The following EYA4 variants were observed in gnomAD, a reference collection of about 807,000 sequenced individuals.
The protein encoded by EYA4 is EYA transcriptional coactivator and phosphatase 4, also known as protein phosphatase EYA4.
In EYA4, 31 loss-of-function variants were observed where a neutral mutation model predicts 87.9. The observed-to-expected ratio is 0.35, with a 90% CI of 0.27 to 0.48. The LOEUF (loss-of-function observed/expected upper bound fraction) is 0.48, where lower values mean the gene tolerates loss of function less well. Among genes scored for constraint, EYA4 ranks in the 20% least tolerant of loss-of-function variants. EYA4 has a pLI of 0.99. For synonymous variants in EYA4, 263 were observed against 270.6 expected (o/e 0.97, Z 0.28); for missense variants, 678 against 761.4 (o/e 0.89, Z 1.29).
intron 2 of EYA4, among the ~76,000 whole-genome samples, chr6:133,309,375 A>C (rs1049526924): frequency 1.9e-4 from 29 of 152,176 alleles, no homozygotes; most frequent in Non-Finnish European, 2.9e-5. Flanking sequence ...GTGATCCAGA[A>C]GTACAGTAAT....
intron 5 of EYA4, among the ~76,000 whole-genome samples, chr6:133,452,314 C>T (rs1170073043): frequency 2.0e-5 from 3 of 152,126 alleles, no homozygotes; most frequent in African/African-American, 7.2e-5. Context: ...GGTGCACACA[C>T]ACCTTAATCT....
chr6:133,529,912 A>C lies in EYA4; in HGVS notation c.*1107A>C. ...AAGTTGCATAGAGGAGGATATTATC[A>C]TGCAAATCATGAGCAATTATCACAT... On this transcript the variant is annotated 3_prime_UTR_variant, in exon 20 of 20. Coordinates refer to ENST00000355286, the MANE Select transcript of EYA4 (RefSeq NM_004100.5). 2.0e-6 allele frequency: 2 copies of C among 985,338 alleles called. No homozygotes were observed. The highest frequency in any genetic ancestry group is 9.4e-5 in the South Asian group (2 of 21,288). The allele number at this position is 985,338 out of a possible 1,614,324, so 61.0% of individuals were successfully genotyped here.
intron 3 of EYA4, among the ~76,000 whole-genome samples, chr6:133,415,162 C>T (rs943856839): frequency 6.6e-6 from 1 of 152,228 alleles, no homozygotes; most frequent in Non-Finnish European, 1.5e-5. Context: ...CTTACCCACA[C>T]TGCTGGTTTG....
rs201827461 is a variant in EYA4 at position 133,528,689 on chromosome 6, T to G, written c.1840-36T>G. 42 of 1,423,828 alleles carry G rather than the reference T, an allele frequency of 2.9e-5. No homozygotes were observed. The African/African-American group carries it at 5.0e-4, about 17-fold the overall frequency. 88.2% of individuals were successfully genotyped at this position (1,423,828 alleles called of 1,614,324 possible). On this transcript the variant is annotated intron_variant, in intron 19 of 19. Coordinates refer to ENST00000355286, the MANE Select transcript of EYA4 (RefSeq NM_004100.5). Reference sequence around the variant, plus strand: ...TCTCTCCATGCCTCATTCCTTCCCCTTCTCTCTCCCATCCCTCCTTCTCCT... The same window carrying G: ...TCTCTCCATGCCTCATTCCTTCCCCGTCTCTCTCCCATCCCTCCTTCTCCT...
intron 3 of EYA4, among the ~76,000 whole-genome samples, chr6:133,414,319 C>A (rs1789514408): frequency 6.6e-6 from 1 of 152,172 alleles, no homozygotes; most frequent in African/African-American, 2.4e-5. Context: ...TAACAGTTTT[C>A]TCTGCCAACA....
chr6:133,311,111 C>G (rs1780179722), intron 2 of EYA4, among the ~76,000 whole-genome samples: 2 of 151,928 alleles, frequency 1.3e-5, no homozygotes, highest in Non-Finnish European at 2.9e-5. Context: ...TTACCATTAC[C>G]CAGGCTTGTC....
chr6:133,282,501 A>G (rs1418572441), intron 2 of EYA4, among the ~76,000 whole-genome samples: 5 of 152,162 alleles, frequency 3.3e-5, no homozygotes, highest in Admixed American at 2.0e-4. Context: ...TTCATTAATT[A>G]TTATCTTCTA....
At position 133,412,527 on chromosome 6, in the gene EYA4, TTG is replaced by T. The variant is rs1313635769; in HGVS notation, c.83+30092_83+30093del. On this transcript the variant is annotated intron_variant, in intron 3 of 19. Coordinates refer to ENST00000355286, the MANE Select transcript of EYA4 (RefSeq NM_004100.5). ...GAATTTCGTGTAATGTATGTATTTT[TTG>T]TGTGTCTGGCTTCTTTTGCTTAACT... is the stretch of plus-strand genomic sequence containing the variant. 7.2e-5 allele frequency among the ~76,000 whole-genome samples: 11 copies of T among 152,320 alleles called. No homozygotes were observed. In the East Asian group the frequency reaches 2.1e-3, roughly 29 times the overall value.
At chr6:133,374,171 T>C (rs1785489602) in intron 2 of EYA4, among the ~76,000 whole-genome samples, 1 of 152,114 alleles carries the variant, frequency 6.6e-6, no homozygotes, top group Non-Finnish European at 1.5e-5. Context: ...TTGTGCTTTG[T>C]TTTTCTGTTA....
chr6:133,526,466 C>G (rs947551552), intron 19 of EYA4, among the ~76,000 whole-genome samples: 1 of 152,152 alleles, frequency 6.6e-6, no homozygotes, highest in Non-Finnish European at 1.5e-5. Flanking sequence ...ATGTATGTTT[C>G]TAGTCGATTT....
At chr6:133,241,993 A>G (rs562858078) in intron 1 of EYA4, among the ~76,000 whole-genome samples, 1 of 152,186 alleles carries the variant, frequency 6.6e-6, no homozygotes, top group Admixed American at 6.5e-5. Context: ...GCCCTAGAAG[A>G]CGTCCCCAAG....
chr6:133,285,438 G>A (rs926763435), intron 2 of EYA4, among the ~76,000 whole-genome samples: 31 of 152,192 alleles, frequency 2.0e-4, no homozygotes, highest in Admixed American at 1.1e-3. Context: ...GGATGTCAGC[G>A]TTGGTGGTAG....
rs114069321 is a variant in EYA4, at chr6:133,308,673, C to T, written c.33+33860C>T. Among the ~76,000 whole-genome samples, 864 of 152,254 alleles carry T rather than the reference C, an allele frequency of 5.7e-3. 4 individuals are homozygous for T. The highest frequency in any genetic ancestry group is 0.019 in the African/African-American group (783 of 41,558). On this transcript the variant is annotated intron_variant, in intron 2 of 19. Coordinates refer to ENST00000355286, the MANE Select transcript of EYA4 (RefSeq NM_004100.5). Reference sequence around the variant, plus strand: ...CTTATGAGATGCGGTATTTGGTTTTCTGTTACTGTGTTAATTTGCTTAGGA... The same window carrying T: ...CTTATGAGATGCGGTATTTGGTTTTTTGTTACTGTGTTAATTTGCTTAGGA...
chr6:133,289,911 AAAAC>A (rs1178513325), intron 2 of EYA4, among the ~76,000 whole-genome samples: 9 of 152,346 alleles, frequency 5.9e-5, no homozygotes, highest in South Asian at 2.1e-4. Context: ...GAGAACTGCG[AAAAC>A]AAACAAACAA....
chr6:133,445,827 G>A (rs1009282952), intron 3 of EYA4, among the ~76,000 whole-genome samples: 1 of 152,068 alleles, frequency 6.6e-6, no homozygotes, highest in African/African-American at 2.4e-5. Flanking sequence ...TGATCCACTC[G>A]CCTCGGCCTC....
chr6:133,502,222 T>C (rs1033235592), intron 13 of EYA4: 3 of 152,172 alleles, frequency 2.0e-5, no homozygotes, highest in African/African-American at 2.4e-5. Context: ...TGTTATAATA[T>C]GTATAATATA....
intron 2 of EYA4, among the ~76,000 whole-genome samples, chr6:133,303,025 A>C (rs1462655989): frequency 6.6e-6 from 1 of 152,210 alleles, no homozygotes; most frequent in Admixed American, 6.5e-5. Flanking sequence ...TAATGAATGA[A>C]TGTTACTGTG....
chr6:133,456,901 T>C (rs564947505), intron 6 of EYA4, among the ~76,000 whole-genome samples: 2 of 152,308 alleles, frequency 1.3e-5, no homozygotes, highest in East Asian at 3.9e-4. Context: ...ATAAGTAAAC[T>C]TAACTTCCTT....
chr6:133,385,440 TGAGAGA>T (rs757918130), intron 3 of EYA4, among the ~76,000 whole-genome samples: 23 of 103,958 alleles, frequency 2.2e-4, no homozygotes, highest in African/African-American at 8.0e-4. Context: ...TGTGTGTGTG[TGAGAGA>T]GAGAGAGAGA....
Sources: allele counts gnomAD v4.1 joint callset (sites outside exome capture counted in the v4.1 genomes callset), GRCh38; gene constraint gnomAD v4.1.1; transcripts MANE v1.5; gene names NCBI Gene and HGNC (gene_info 2026-07-23, HGNC 2026-07-21).